Variants in DIP2C observed in about 807,000 individuals in gnomAD.
DIP2C encodes DIP2 acetate--CoA ligase C (putative).
Under a neutral mutation model 192.4 loss-of-function variants are expected in DIP2C, and 33 were observed. That is an observed-to-expected ratio of 0.17 (90% CI 0.13 to 0.23). DIP2C has a LOEUF of 0.23. DIP2C is among the 10% of genes least tolerant of loss of function. DIP2C has a pLI of 1.00. For synonymous variants in DIP2C, 979 were observed against 864.1 expected, an observed-to-expected ratio of 1.13 and a Z score of -2.33; for missense variants, 1,537 against 2,110.1, an observed-to-expected ratio of 0.73 and a Z score of 5.32.
chr10:454,522 CTA>C (rs1969126061), intron 3 of DIP2C, among the ~76,000 whole-genome samples: 1 of 121,914 alleles, frequency 8.2e-6, no homozygotes, highest in African/African-American at 5.7e-5. Context: ...GCATCAGCAC[CTA>C]TCAAACCCCT....
At chr10:400,320 T>G (rs1198620844) in intron 9 of DIP2C, among the ~76,000 whole-genome samples, 1 of 151,572 alleles carries the variant, frequency 6.6e-6, no homozygotes, top group Non-Finnish European at 1.5e-5. Flanking sequence ...CACTGTTGCC[T>G]GGCCAGTATG....
At chr10:484,746 G>A (rs751480581) in intron 2 of DIP2C, 313 of 1,602,660 alleles carry the variant, frequency 2.0e-4, no homozygotes, top group Non-Finnish European at 2.6e-4. Context: ...TGTGTACCCT[G>A]CTGTGGGGCT....
intron 1 of DIP2C, chr10:668,493 ACAC>A (rs1857251442): frequency 6.6e-6 from 1 of 151,340 alleles, no homozygotes; most frequent in South Asian, 2.1e-4. Context: ...CATTCATACA[ACAC>A]AACACTCATA....
intron 32 of DIP2C, among the ~76,000 whole-genome samples, chr10:305,994 T>TATATATATATATA (rs201950305): frequency 1.3e-5 from 2 of 148,760 alleles, no homozygotes; most frequent in African/African-American, 5.1e-5. Flanking sequence ...TATATATATA[T>TATATATATATATA]TATATTTTTT....
chr10:482,214 G>T (rs1264288229), intron 2 of DIP2C, among the ~76,000 whole-genome samples: 3 of 152,182 alleles, frequency 2.0e-5, no homozygotes, highest in Admixed American at 2.0e-4. Context: ...CGTGGCCATC[G>T]GGAGCCCTGG....
At chr10:357,011 C>T (rs1959113258) in intron 23 of DIP2C, among the ~76,000 whole-genome samples, 1 of 152,224 alleles carries the variant, frequency 6.6e-6, no homozygotes, top group East Asian at 1.9e-4. Context: ...ACAAATTAAA[C>T]AAACCACATG....
chr10:510,124 A>G (rs1845909929), intron 1 of DIP2C, among the ~76,000 whole-genome samples: 1 of 152,194 alleles, frequency 6.6e-6, no homozygotes, highest in Non-Finnish European at 1.5e-5. Context: ...GGGGACCCGT[A>G]CAACACGCAT....
chr10:491,538 T>C (rs1409280350), intron 1 of DIP2C, among the ~76,000 whole-genome samples: 1 of 152,190 alleles, frequency 6.6e-6, no homozygotes, highest in Non-Finnish European at 1.5e-5. Context: ...TCGCCTGCAC[T>C]GGGGACAGGG....
chr10:548,911 C>CCA (rs1348217783), intron 1 of DIP2C, among the ~76,000 whole-genome samples: 1 of 26,462 alleles, frequency 3.8e-5, no homozygotes, highest in African/African-American at 1.3e-4. Flanking sequence ...TAGCAGCTCA[C>CCA]AAAAAAAAAA....
chr10:548,629 TG>T (rs565300007), intron 1 of DIP2C, among the ~76,000 whole-genome samples: 3 of 39,316 alleles, frequency 7.6e-5, no homozygotes, highest in East Asian at 1.1e-3. Context: ...CATGGTGTGG[TG>T]GGGGGAGGAG....
chr10:337,355 T>TGTGCAC, intron 29 of DIP2C, among the ~76,000 whole-genome samples: 1 of 90,162 alleles, frequency 1.1e-5, no homozygotes, highest in African/African-American at 4.2e-5. Context: ...TGTGCGCGCG[T>TGTGCAC]GTGTGTTGTG....
intron 1 of DIP2C, among the ~76,000 whole-genome samples, chr10:524,788 G>A (rs1435995243): frequency 6.6e-6 from 1 of 152,016 alleles, no homozygotes; most frequent in Non-Finnish European, 1.5e-5. Context: ...AAGCATTAGG[G>A]AGTTCATTTT....
intron 32 of DIP2C, among the ~76,000 whole-genome samples, chr10:308,858 C>G (rs1431007262): frequency 6.6e-6 from 1 of 152,222 alleles, no homozygotes; most frequent in Non-Finnish European, 1.5e-5. Context: ...TGGCTCCTGG[C>G]CCTGGCGTGT....
intron 31 of DIP2C, among the ~76,000 whole-genome samples, chr10:326,167 G>A (rs965781724): frequency 6.6e-6 from 1 of 152,094 alleles, no homozygotes; most frequent in African/African-American, 2.4e-5. Flanking sequence ...CTCCAGCCTG[G>A]GTGACAGAGT....
At chr10:309,124 G>A (rs1956462894) in intron 32 of DIP2C, among the ~76,000 whole-genome samples, 2 of 152,226 alleles carry the variant, frequency 1.3e-5, no homozygotes, top group African/African-American at 4.8e-5. Context: ...CCAAGTGGAA[G>A]ATGATCTGTT....
At chr10:438,477 A>G (rs534933586) in intron 4 of DIP2C, among the ~76,000 whole-genome samples, 1 of 150,886 alleles carries the variant, frequency 6.6e-6, no homozygotes, top group South Asian at 2.1e-4. Flanking sequence ...ACCATAAACT[A>G]AACAAACAGG....
intron 14 of DIP2C, 88 bp downstream of exon 14, chr10:387,657 G>A: frequency 9.0e-7 from 1 of 1,112,000 alleles, no homozygotes; most frequent in Non-Finnish European, 1.4e-6. Flanking sequence ...TGGACAGACA[G>A]TATGGGGAGG....
intron 1 of DIP2C, among the ~76,000 whole-genome samples, chr10:658,066 A>C (rs1293170060): frequency 2.2e-4 from 27 of 120,936 alleles, no homozygotes; most frequent in East Asian, 2.0e-3. Context: ...CCTGGACCTG[A>C]CGCTGGACCT....
chr10:667,989 AAC>A (rs1309564972), intron 1 of DIP2C: 1 of 152,032 alleles, frequency 6.6e-6, no homozygotes, highest in Non-Finnish European at 1.5e-5. Flanking sequence ...ATGCATGTAC[AAC>A]ACTCATACAA....
Sources: gnomAD v4.1 joint callset for allele counts (sites outside exome capture counted in the v4.1 genomes callset) on GRCh38, gnomAD v4.1.1 for gene constraint, MANE v1.5 for transcripts, NCBI Gene and HGNC (gene_info 2026-07-23, HGNC 2026-07-21) for gene names.